Variants in KCNH5 observed in about 807,000 individuals in gnomAD.
KCNH5 encodes the protein voltage-gated delayed rectifier potassium channel KCNH5.
A neutral mutation model predicts 96.1 loss-of-function variants in KCNH5; 46 were observed. The observed-to-expected ratio is 0.48, with a 90% CI of 0.38 to 0.61. The LOEUF (loss-of-function observed/expected upper bound fraction) is 0.61. KCNH5 is among the 20% of genes least tolerant of loss of function. The pLI is 0.00. For missense variants in KCNH5, 907 were observed against 1,225.8 expected (o/e 0.74, Z 3.88); for synonymous variants, 439 against 449.8 (o/e 0.98, Z 0.30).
intron 7 of KCNH5, among the ~76,000 whole-genome samples, chr14:62,947,646 C>T (rs1379201004): frequency 1.3e-5 from 2 of 151,876 alleles, no homozygotes; most frequent in African/African-American, 2.4e-5. Flanking sequence ...CCTTGGAGTC[C>T]CAGAACTTTT....
At chr14:62,957,522 C>A (rs1480530018) in intron 6 of KCNH5, among the ~76,000 whole-genome samples, 1 of 152,170 alleles carries the variant, frequency 6.6e-6, no homozygotes, top group East Asian at 1.9e-4. Context: ...TGTATCCATA[C>A]CCCTCTGCAA....
chr14:62,955,898 C>T (rs1890095380), intron 6 of KCNH5, among the ~76,000 whole-genome samples: 1 of 152,144 alleles, frequency 6.6e-6, no homozygotes, highest in African/African-American at 2.4e-5. Context: ...AACGAATCGT[C>T]CAAAGACACA....
At chr14:62,892,338 G>A (rs1315318371) in intron 7 of KCNH5, among the ~76,000 whole-genome samples, 1 of 152,180 alleles carries the variant, frequency 6.6e-6, no homozygotes, top group African/African-American at 2.4e-5. Flanking sequence ...CCAGAGCAAG[G>A]CTCTAACTCT....
rs186888486 is a variant in KCNH5 at position 63,000,976 on chromosome 14, G to C, written c.433+355C>G. Among the ~76,000 whole-genome samples, 131 of 152,294 alleles carry C rather than the reference G, an allele frequency of 8.6e-4. 1 individual carries two copies. Among genetic ancestry groups the C allele is most frequent in the Admixed American group, 5.6e-3 (86 of 15,296 alleles). On this transcript the variant is annotated intron_variant, in intron 4 of 10. Coordinates refer to ENST00000322893, the MANE Select transcript of KCNH5 (RefSeq NM_139318.5). ...TATAGTCCCAGCTACTCAGGAGGCT[G>C]AGGTGGGGGGACCACTTGAGACTGG...
chr14:62,849,692 G>A lies in KCNH5; in HGVS notation c.1530C>T (p.Val510=), dbSNP rs2140045491. ...GLSERVMDYI[V]STWSMSKGID... is the part of the protein sequence containing the mutation. Reference sequence around the variant, plus strand: ...TGCCTTTTGACATGGACCATGTTGAGACAATATAATCCATGACTCGCTCAC... The same window carrying A: ...TGCCTTTTGACATGGACCATGTTGAAACAATATAATCCATGACTCGCTCAC... Residue 510 remains valine, a synonymous_variant, in exon 8 of 11, where the codon GTC becomes GTT. Coordinates refer to ENST00000322893, the MANE Select transcript of KCNH5 (RefSeq NM_139318.5). The A allele has an allele frequency of 1.2e-6, 2 of 1,613,758 alleles. No individual in the cohort carries two copies. Among genetic ancestry groups the A allele is most frequent in the East Asian group, 4.5e-5 (2 of 44,836 alleles).
chr14:62,897,532 GA>G (rs5809178), intron 7 of KCNH5, among the ~76,000 whole-genome samples: 257 of 151,732 alleles, frequency 1.7e-3, no homozygotes, highest in African/African-American at 4.6e-3. Context: ...AATATGGGGG[GA>G]AAAAAAACTG....
intron 8 of KCNH5, among the ~76,000 whole-genome samples, chr14:62,818,827 C>G (rs113537170): frequency 3.9e-5 from 6 of 152,212 alleles, no homozygotes; most frequent in African/African-American, 1.4e-4. Context: ...AAATGCTATA[C>G]ACACCGTATG....
At chr14:62,805,815 C>G (rs1269589558) in intron 8 of KCNH5, among the ~76,000 whole-genome samples, 1 of 152,114 alleles carries the variant, frequency 6.6e-6, no homozygotes, top group Admixed American at 6.6e-5. Context: ...CTCTTTGCAA[C>G]AGAATATTAA....
chr14:62,957,447 G>A (rs1890125541), intron 6 of KCNH5, among the ~76,000 whole-genome samples: 1 of 152,158 alleles, frequency 6.6e-6, no homozygotes, highest in Non-Finnish European at 1.5e-5. Context: ...CCTACACTTT[G>A]CATTCTCACA....
intron 5 of KCNH5, among the ~76,000 whole-genome samples, chr14:62,982,256 G>A (rs1477334333): frequency 1.3e-5 from 2 of 152,066 alleles, no homozygotes; most frequent in Non-Finnish European, 2.9e-5. Flanking sequence ...TTGAATGCAG[G>A]AGGCAGAGGT....
chr14:62,889,490 AG>A (rs1888661533), intron 7 of KCNH5, among the ~76,000 whole-genome samples: 1 of 152,226 alleles, frequency 6.6e-6, no homozygotes, highest in Non-Finnish European at 1.5e-5. Context: ...AACTAAGAGC[AG>A]AGATATTGGG....
chr14:62,952,688 G>T (rs1231125398), intron 6 of KCNH5, among the ~76,000 whole-genome samples: 9 of 152,052 alleles, frequency 5.9e-5, no homozygotes, highest in Admixed American at 5.9e-4. Context: ...GCAAAGAGAA[G>T]GAAAAACAGA....
chr14:62,741,449 C>T (rs1340982000), intron 10 of KCNH5, among the ~76,000 whole-genome samples: 2 of 152,074 alleles, frequency 1.3e-5, no homozygotes, highest in African/African-American at 4.8e-5. Flanking sequence ...TATACCAAAC[C>T]AACTGTGAAT....
intron 10 of KCNH5, among the ~76,000 whole-genome samples, chr14:62,709,990 T>C (rs1244350588): frequency 1.3e-5 from 2 of 152,226 alleles, no homozygotes; most frequent in African/African-American, 4.8e-5. Context: ...ACGTGTTCTC[T>C]AACCCATAAC....
At chr14:62,789,234 T>C (rs1421647673) in intron 9 of KCNH5, among the ~76,000 whole-genome samples, 2 of 152,086 alleles carry the variant, frequency 1.3e-5, no homozygotes, top group Non-Finnish European at 2.9e-5. Flanking sequence ...TTAAGGTTCA[T>C]CCATGCTGTG....
intron 8 of KCNH5, among the ~76,000 whole-genome samples, chr14:62,842,995 T>C (rs915703906): frequency 6.6e-6 from 1 of 152,230 alleles, no homozygotes; most frequent in Non-Finnish European, 1.5e-5. Flanking sequence ...TACTATGTTC[T>C]ACATATGTGC....
chr14:62,987,213 A>T (rs1200156762), intron 4 of KCNH5, 26 bp from the exon 5 acceptor site: 1 of 1,493,564 alleles, frequency 6.7e-7, no homozygotes, highest in Non-Finnish European at 9.3e-7. Context: ...AGAAAGTCTC[A>T]GTTTTTCATA....
intron 9 of KCNH5, among the ~76,000 whole-genome samples, chr14:62,796,696 C>T (rs898264570): frequency 1.3e-5 from 2 of 152,126 alleles, no homozygotes; most frequent in Admixed American, 6.6e-5. Context: ...AGGATGCACC[C>T]GTGACACATC....
intron 10 of KCNH5, among the ~76,000 whole-genome samples, chr14:62,746,993 C>T (rs1246181583): frequency 6.6e-6 from 1 of 152,246 alleles, no homozygotes; most frequent in Non-Finnish European, 1.5e-5. Context: ...TAGTTGCCTT[C>T]TACTTCTAAA....
Sources: gnomAD v4.1 joint callset for allele counts (sites outside exome capture counted in the v4.1 genomes callset) on GRCh38, gnomAD v4.1.1 for gene constraint, MANE v1.5 for transcripts, NCBI Gene and HGNC (gene_info 2026-07-23, HGNC 2026-07-21) for gene names.